Variants in ATP6V1C2 observed in about 807,000 individuals in gnomAD.
ATP6V1C2 encodes the protein ATPase H+ transporting V1 subunit C2.
In ATP6V1C2, 45 loss-of-function variants were observed where a neutral mutation model predicts 56.8. The ratio of observed to expected loss-of-function variants is 0.79; its 90% confidence interval spans 0.62 to 1.02. The LOEUF (loss-of-function observed/expected upper bound fraction) is 1.02, where lower values mean the gene tolerates loss of function less well. Ranked by LOEUF, ATP6V1C2 falls within the 50% of genes least tolerant of loss-of-function variation. ATP6V1C2 has a pLI of 0.00. For missense variants in ATP6V1C2, 463 were observed against 519.7 expected (o/e 0.89, Z 1.06); for synonymous variants, 220 against 201.3 (o/e 1.09, Z -0.79).
chr2:10,727,383 T>C (rs1183687789), intron 3 of ATP6V1C2, among the ~76,000 whole-genome samples: 1 of 143,012 alleles, frequency 7.0e-6, no homozygotes, highest in Non-Finnish European at 1.5e-5. Context: ...AAGACCTTGT[T>C]TCTAAGAAAA....
At chr2:10,767,081 TAA>T (rs1228160868) in intron 5 of ATP6V1C2, among the ~76,000 whole-genome samples, 1 of 151,736 alleles carries the variant, frequency 6.6e-6, no homozygotes, top group African/African-American at 2.4e-5. Flanking sequence ...TGGCAAAATG[TAA>T]AGAGAAAAAC....
chr2:10,758,814 G>A (rs773588100), intron 4 of ATP6V1C2, among the ~76,000 whole-genome samples: 4 of 152,004 alleles, frequency 2.6e-5, no homozygotes, highest in Non-Finnish European at 4.4e-5. Flanking sequence ...AGTCCCAGGC[G>A]TGTGCCACCA....
intron 4 of ATP6V1C2, among the ~76,000 whole-genome samples, chr2:10,760,024 TTTTTTG>T (rs1462943432): frequency 9.0e-5 from 8 of 88,420 alleles, no homozygotes; most frequent in Non-Finnish European, 1.3e-4. Flanking sequence ...CAGTTTTTTG[TTTTTTG>T]TTTTTTTTTT....
chr2:10,779,421 A>T (rs1665206179), intron 12 of ATP6V1C2, among the ~76,000 whole-genome samples: 1 of 113,354 alleles, frequency 8.8e-6, no homozygotes, highest in Non-Finnish European at 1.9e-5. Context: ...TGCCTAATAA[A>T]AAAAAAAATA....
intron 4 of ATP6V1C2, among the ~76,000 whole-genome samples, chr2:10,756,767 G>T (rs1001645057): frequency 2.6e-5 from 4 of 152,180 alleles, no homozygotes; most frequent in African/African-American, 9.6e-5. Context: ...TACTTACCAT[G>T]TGCTACAGTT....
At chr2:10,752,007 T>C (rs4669623) in intron 3 of ATP6V1C2, among the ~76,000 whole-genome samples, 148,338 of 151,944 alleles carry the variant, frequency 0.98, 72,489 homozygotes, top group East Asian at 1. Context: ...TGCAATGAGC[T>C]GTGATCATAC....
At chr2:10,758,373 CT>C (rs573057676) in intron 4 of ATP6V1C2, among the ~76,000 whole-genome samples, 135 of 152,322 alleles carry the variant, frequency 8.9e-4, no homozygotes, top group African/African-American at 3.1e-3. Flanking sequence ...GAAAATTCAG[CT>C]TCATTTGTTG....
intron 8 of ATP6V1C2, among the ~76,000 whole-genome samples, chr2:10,773,602 C>T (rs149586598): frequency 3.3e-5 from 5 of 152,272 alleles, no homozygotes; most frequent in Admixed American, 2.0e-4. Flanking sequence ...AGGCTGGTCT[C>T]GAACTCCTGA....
intron 5 of ATP6V1C2, among the ~76,000 whole-genome samples, chr2:10,765,923 C>G (rs1182123855): frequency 6.6e-6 from 1 of 152,178 alleles, no homozygotes; most frequent in Non-Finnish European, 1.5e-5. Context: ...GTGCCTTTGG[C>G]AGGAAGGAAG....
chr2:10,745,637 G>A (rs1462432002), intron 3 of ATP6V1C2, among the ~76,000 whole-genome samples: 8 of 151,910 alleles, frequency 5.3e-5, no homozygotes, highest in Admixed American at 2.0e-4. Flanking sequence ...CACCACGCCC[G>A]GCCAACCATT....
chr2:10,779,108 T>G, intron 12 of ATP6V1C2, among the ~76,000 whole-genome samples: 1 of 127,362 alleles, frequency 7.9e-6, no homozygotes, highest in East Asian at 2.0e-4. Flanking sequence ...ATTTTGCCTT[T>G]TTTTTTTTTA....
At chr2:10,722,400 C>G (rs1661415750) in intron 1 of ATP6V1C2, among the ~76,000 whole-genome samples, 1 of 152,120 alleles carries the variant, frequency 6.6e-6, no homozygotes, top group Non-Finnish European at 1.5e-5. Flanking sequence ...GACCTGGTAG[C>G]CTGTTGTGAA....
At chr2:10,778,507 C>G in intron 11 of ATP6V1C2, 65 bp from the exon 12 acceptor site, 1 of 1,498,504 alleles carries the variant, frequency 6.7e-7, no homozygotes, top group Non-Finnish European at 9.3e-7. Context: ...AAACCCAAGT[C>G]CTTTCTTGGC....
At chr2:10,740,758 C>T (rs1382292068) in intron 3 of ATP6V1C2, among the ~76,000 whole-genome samples, 14 of 152,196 alleles carry the variant, frequency 9.2e-5, no homozygotes, top group Admixed American at 9.2e-4. Flanking sequence ...GCTGTGTCAG[C>T]TCACTGCAAC....
intron 3 of ATP6V1C2, among the ~76,000 whole-genome samples, chr2:10,749,349 T>A (rs1032183475): frequency 1.3e-5 from 2 of 151,688 alleles, no homozygotes; most frequent in Non-Finnish European, 3.0e-5. Flanking sequence ...AAGTTTTTTT[T>A]AAATGAACAA....
intron 13 of ATP6V1C2, 90 bp from the exon 14 acceptor site, chr2:10,783,084 C>A (rs1398869516): frequency 1.5e-5 from 14 of 957,808 alleles, no homozygotes; most frequent in Non-Finnish European, 2.4e-5. Context: ...AGAACGTACG[C>A]TCAGTGCCTG....
chr2:10,767,135 A>C (rs12611921), intron 5 of ATP6V1C2, among the ~76,000 whole-genome samples: 58,193 of 145,284 alleles, frequency 0.4, 11,926 homozygotes, highest in Non-Finnish European at 0.48. Flanking sequence ...ATCTTTAAAT[A>C]TTTTTTTAAT....
At chr2:10,721,474 TC>T (rs1208704858), upstream of ATP6V1C2, among the ~76,000 whole-genome samples, 2 of 152,064 alleles carry the variant, frequency 1.3e-5, no homozygotes, top group African/African-American at 4.8e-5. Flanking sequence ...GCGCGTCTCC[TC>T]CGCGCCTTCC....
At chr2:10,731,343 G>A (rs2148415363) in intron 3 of ATP6V1C2, among the ~76,000 whole-genome samples, 1 of 152,290 alleles carries the variant, frequency 6.6e-6, no homozygotes, top group African/African-American at 2.4e-5. Context: ...GTAAAATCAT[G>A]CTAAATCAAG....
Sources: allele counts gnomAD v4.1 joint callset (sites outside exome capture counted in the v4.1 genomes callset), GRCh38; gene constraint gnomAD v4.1.1; transcripts MANE v1.5; gene names NCBI Gene and HGNC (gene_info 2026-07-23, HGNC 2026-07-21).